The following RIIAD1 variants were observed in gnomAD, a reference collection of about 807,000 sequenced individuals.
RIIAD1 encodes the protein RIIa domain-containing protein 1.
A neutral mutation model predicts 13.3 loss-of-function variants in RIIAD1; 15 were observed. The observed-to-expected ratio is 1.13, with a 90% confidence interval of 0.76 to 1.74. The LOEUF is 1.74. Ranked by LOEUF, RIIAD1 falls within the 40% of genes most tolerant of loss-of-function variation. The pLI is 0.00. For synonymous variants in RIIAD1, 50 were observed against 43.3 expected, an observed-to-expected ratio of 1.16 and a Z score of -0.61; for missense variants, 121 against 112.2, an observed-to-expected ratio of 1.08 and a Z score of -0.35.
chr1:151,725,546 C>G (rs1673814751), intron 2 of RIIAD1, among the ~76,000 whole-genome samples: 1 of 152,166 alleles, frequency 6.6e-6, no homozygotes, highest in East Asian at 1.9e-4. Flanking sequence ...ACACATGGTA[C>G]TATTGTTCAG....
At chr1:151,727,218 C>T (rs1673846627) in intron 2 of RIIAD1, among the ~76,000 whole-genome samples, 1 of 152,142 alleles carries the variant, frequency 6.6e-6, no homozygotes, top group African/African-American at 2.4e-5. Context: ...GTTGATCGCG[C>T]CACTGTACTC....
At chr1:151,723,114 G>T (rs575738524) in intron 2 of RIIAD1, among the ~76,000 whole-genome samples, 3 of 152,358 alleles carry the variant, frequency 2.0e-5, no homozygotes, top group Admixed American at 1.3e-4. Context: ...AGTTGGCGAG[G>T]TCAGGCAAGG....
chr1:151,721,883 C>T, intron 1 of RIIAD1: 4 of 600,094 alleles, frequency 6.7e-6, no homozygotes, highest in Non-Finnish European at 1.2e-5. Flanking sequence ...CAGACACATC[C>T]GACCTTAGTA....
chr1:151,721,489 G>T, upstream of RIIAD1: 1 of 1,162,934 alleles, frequency 8.6e-7, no homozygotes, highest in Non-Finnish European at 1.1e-6. Flanking sequence ...GGGGCCGGGG[G>T]CGGGGCCTCG....
chr1:151,721,470 G>A, upstream of RIIAD1: 14 of 986,618 alleles, frequency 1.4e-5, no homozygotes, highest in Non-Finnish European at 1.9e-5. Context: ...CCGGGCTTGG[G>A]GGCAGGGCGG....
chr1:151,717,892 G>C (rs1228095835), upstream of RIIAD1, among the ~76,000 whole-genome samples: 1 of 152,182 alleles, frequency 6.6e-6, no homozygotes, highest in Non-Finnish European at 1.5e-5. Flanking sequence ...ACCCCTCCAT[G>C]CACTGGGCCC....
At chr1:151,718,118 T>G (rs1367795860), upstream of RIIAD1, among the ~76,000 whole-genome samples, 1 of 152,328 alleles carries the variant, frequency 6.6e-6, no homozygotes, top group East Asian at 1.9e-4. Flanking sequence ...GTGTCCCAGC[T>G]GAGTCCCAGG....
chr1:151,719,688 G>C (rs1673700631), upstream of RIIAD1: 1 of 702,502 alleles, frequency 1.4e-6, no homozygotes, highest in Non-Finnish European at 2.6e-6. Context: ...TCAAGTGGAA[G>C]GTAAGACAGG....
chr1:151,711,895 C>T (rs1673054360), exon 2 of RIIAD1: 1 of 152,292 alleles, frequency 6.6e-6, no homozygotes, highest in Non-Finnish European at 1.5e-5. Context: ...CTGGCATAGG[C>T]TCCCAGGCAC....
In RIIAD1 at chr1:151,728,819, G is replaced by A; in HGVS notation, c.262G>A (p.Asp88Asn). The A allele has an allele frequency of 1.3e-6, 2 of 1,543,244 alleles. No homozygotes were observed. Among genetic ancestry groups the A allele is most frequent in the Non-Finnish European group, 1.8e-6 (2 of 1,139,452 alleles). Residue 88 changes from aspartate to asparagine, a missense_variant, in exon 4 of 5, where the codon GAC becomes AAC. By Grantham distance (23) the Asp-to-Asn change is conservative. Transcript: ENST00000479191. ...PNKIHMQLIK[D>N]KKAA ...CAAGATTCACATGCAGCTAATTAAA[G>A]ACAAGAAAGCGGCTTAATTAGCAAA...
intron 2 of RIIAD1, 126 bp from the exon 3 acceptor site, chr1:151,727,449 G>A (rs878950288): frequency 1.4e-5 from 10 of 707,820 alleles, no homozygotes; most frequent in Admixed American, 1.2e-4. Flanking sequence ...AGGAGTCTGC[G>A]GATTTATTGA....
Position 151,721,632 on chromosome 1 carries a change from C to G in RIIAD1, c.84+12C>G, listed in dbSNP as rs1292554386. The G allele has an allele frequency of 7.9e-7, 1 of 1,273,354 alleles. No individual in the cohort carries two copies. The allele number at this position is 1,273,354 out of a possible 1,614,324, so 78.9% of individuals were successfully genotyped here. ...TGCGAAAATTCAAGGTGGGTGCGCC[C>G]GCGCCCCCATCCAGCGTCCACCAAA... On this transcript the variant is annotated intron_variant, in intron 1 of 4. Transcript: ENST00000479191.
At chr1:151,727,915 T>G (rs1673861715) in intron 3 of RIIAD1, among the ~76,000 whole-genome samples, 1 of 152,212 alleles carries the variant, frequency 6.6e-6, no homozygotes, top group Admixed American at 6.5e-5. Flanking sequence ...AGCAGGGTTC[T>G]CAACCCTAGC....
At chr1:151,718,276 C>T (rs1390009522), upstream of RIIAD1, among the ~76,000 whole-genome samples, 3 of 152,174 alleles carry the variant, frequency 2.0e-5, no homozygotes, top group Non-Finnish European at 4.4e-5. Flanking sequence ...CTCACCACCC[C>T]CCTATGATGT....
upstream of RIIAD1, chr1:151,716,658 T>A: frequency 5.9e-6 from 1 of 168,690 alleles, no homozygotes; most frequent in Non-Finnish European, 1.2e-5. Context: ...CCCCTTCAGG[T>A]CCTCCCCTCA....
chr1:151,716,949 T>G, upstream of RIIAD1: 1 of 344,950 alleles, frequency 2.9e-6, no homozygotes, highest in Non-Finnish European at 6.2e-6. Context: ...ATCTCCATCC[T>G]CCCTGACTCC....
chr1:151,722,067 C>G lies in RIIAD1; in HGVS notation c.85-19C>G, dbSNP rs1156454560. The G allele has an allele frequency of 1.3e-6, 2 of 1,536,126 alleles. No individual in the cohort carries two copies. Among genetic ancestry groups the G allele is most frequent in the South Asian group, 2.4e-5 (2 of 83,766 alleles). ...AATCTGTCTCCTAATGGAAGTGACCCTTTGTTCTTGCCCCCCAGATTCAGA... is the reference window on the plus strand; with the variant it reads ...AATCTGTCTCCTAATGGAAGTGACCGTTTGTTCTTGCCCCCCAGATTCAGA... On this transcript the variant is annotated intron_variant, in intron 1 of 4. Transcript: ENST00000479191.
upstream of RIIAD1, among the ~76,000 whole-genome samples, chr1:151,720,102 CAT>C (rs1372881749): frequency 1.3e-5 from 2 of 152,190 alleles, no homozygotes; most frequent in African/African-American, 2.4e-5. Context: ...AAATCAATTA[CAT>C]GTTATTAATG....
At chr1:151,719,509 A>AT (rs1673696759), upstream of RIIAD1, 5 of 628,950 alleles carry the variant, frequency 7.9e-6, no homozygotes, top group East Asian at 1.1e-4. Flanking sequence ...TAATTGGGAT[A>AT]TTTTTCAGAA....
Sources: gnomAD v4.1 joint callset for allele counts (sites outside exome capture counted in the v4.1 genomes callset) on GRCh38, gnomAD v4.1.1 for gene constraint, MANE v1.5 for transcripts, NCBI Gene and HGNC (gene_info 2026-07-23, HGNC 2026-07-21) for gene names.